The following PDSS2 variants were observed in gnomAD, a reference collection of about 807,000 sequenced individuals.
PDSS2 encodes decaprenyl diphosphate synthase subunit 2, also known as all trans-polyprenyl-diphosphate synthase PDSS2.
Under a neutral mutation model 44.5 loss-of-function variants are expected in PDSS2, and 31 were observed. The observed-to-expected ratio is 0.70, with a 90% CI of 0.52 to 0.94. PDSS2 has a LOEUF of 0.94. PDSS2 is among the 40% of genes least tolerant of loss of function. PDSS2 has a pLI of 0.00. For synonymous variants in PDSS2, 157 were observed against 180.3 expected (o/e 0.87, Z 1.03); for missense variants, 452 against 482.2 (o/e 0.94, Z 0.59).
chr6:107,297,596 G>T (rs2115047244), intron 2 of PDSS2, among the ~76,000 whole-genome samples: 1 of 152,046 alleles, frequency 6.6e-6, no homozygotes, highest in South Asian at 2.1e-4. Context: ...TGGCCAGGCT[G>T]GTCTCGAACT....
intron 3 of PDSS2, among the ~76,000 whole-genome samples, chr6:107,250,180 AC>A (rs56145618): frequency 0.16 from 23,111 of 142,774 alleles, 1,919 homozygotes; most frequent in South Asian, 0.23. Context: ...AAAAATACTG[AC>A]CCCCCCCCGC....
At chr6:107,241,135 A>G (rs1774408799) in intron 4 of PDSS2, among the ~76,000 whole-genome samples, 1 of 151,326 alleles carries the variant, frequency 6.6e-6, no homozygotes, top group Non-Finnish European at 1.5e-5. Flanking sequence ...TGTAGTCCCA[A>G]CTACTTGCAA....
At chr6:107,197,388 T>A (rs771009673) in intron 6 of PDSS2, among the ~76,000 whole-genome samples, 2 of 149,270 alleles carry the variant, frequency 1.3e-5, no homozygotes, top group Non-Finnish European at 3.0e-5. Context: ...GAAGATAGCT[T>A]ACGGTCAGGA....
intron 1 of PDSS2, among the ~76,000 whole-genome samples, chr6:107,429,901 A>AATATATATATATAT (rs869061691): frequency 2.8e-4 from 9 of 31,806 alleles, no homozygotes; most frequent in East Asian, 4.2e-3. Context: ...AAAAAAAAAA[A>AATATATATATATAT]ATATATATAT....
At chr6:107,225,164 T>TATATATATATATATA (rs1289535741) in intron 4 of PDSS2, among the ~76,000 whole-genome samples, 1 of 42,976 alleles carries the variant, frequency 2.3e-5, no homozygotes, top group African/African-American at 1.3e-4. Context: ...TATATATATT[T>TATATATATATATATA]TTTTTTTTTT....
At chr6:107,421,208 T>C (rs569271277) in intron 1 of PDSS2, among the ~76,000 whole-genome samples, 1 of 152,296 alleles carries the variant, frequency 6.6e-6, no homozygotes, top group African/African-American at 2.4e-5. Context: ...ACAAAGGATA[T>C]GGAGAAACTA....
chr6:107,313,647 C>T (rs184353745), intron 2 of PDSS2, among the ~76,000 whole-genome samples: 1 of 152,180 alleles, frequency 6.6e-6, no homozygotes, highest in East Asian at 1.9e-4. Context: ...AGCCACCACG[C>T]CCGGCCCTAC....
intron 1 of PDSS2, among the ~76,000 whole-genome samples, chr6:107,424,136 G>C (rs1780916995): frequency 6.8e-6 from 1 of 146,822 alleles, no homozygotes; most frequent in Non-Finnish European, 1.5e-5. Context: ...TGACCTCCTG[G>C]GCCCAAGTGA....
intron 2 of PDSS2, among the ~76,000 whole-genome samples, chr6:107,303,124 TGTGCTGTGTCATTC>T (rs1479334857): frequency 6.6e-6 from 1 of 152,164 alleles, no homozygotes. Context: ...TGAGGACCTT[TGTGCTGTGTCATTC>T]CATCGCAGAA....
intron 1 of PDSS2, among the ~76,000 whole-genome samples, chr6:107,439,655 G>A (rs889117222): frequency 6.6e-6 from 1 of 152,196 alleles, no homozygotes; most frequent in Non-Finnish European, 1.5e-5. Flanking sequence ...CAGCTGAGAG[G>A]AGAAAGCCTC....
chr6:107,190,627 CAG>C (rs1203597126), intron 7 of PDSS2, among the ~76,000 whole-genome samples: 1 of 152,286 alleles, frequency 6.6e-6, no homozygotes, highest in Non-Finnish European at 1.5e-5. Flanking sequence ...TGGGAAACCA[CAG>C]AGGATTTGCT....
At chr6:107,455,605 T>C (rs1782011933) in intron 1 of PDSS2, among the ~76,000 whole-genome samples, 1 of 151,588 alleles carries the variant, frequency 6.6e-6, no homozygotes, top group Non-Finnish European at 1.5e-5. Context: ...AATACAAAAA[T>C]TAGCTGGGCG....
At chr6:107,410,046 A>G (rs1406270311) in intron 1 of PDSS2, among the ~76,000 whole-genome samples, 2 of 152,118 alleles carry the variant, frequency 1.3e-5, no homozygotes, top group African/African-American at 4.8e-5. Context: ...AGTTAGAGAC[A>G]AAAAAAGCAA....
At chr6:107,426,690 C>A (rs2114729069) in intron 1 of PDSS2, among the ~76,000 whole-genome samples, 1 of 152,332 alleles carries the variant, frequency 6.6e-6, no homozygotes, top group East Asian at 1.9e-4. Context: ...GGAGCCCACC[C>A]TTTGCATCAG....
chr6:107,246,099 T>C (rs1774604615), intron 3 of PDSS2, among the ~76,000 whole-genome samples: 1 of 152,194 alleles, frequency 6.6e-6, no homozygotes, highest in South Asian at 2.1e-4. Flanking sequence ...TAAAATGCAC[T>C]GTGGATATAT....
intron 2 of PDSS2, among the ~76,000 whole-genome samples, chr6:107,326,245 A>C (rs1480112333): frequency 6.6e-6 from 1 of 151,806 alleles, no homozygotes; most frequent in East Asian, 2.0e-4. Flanking sequence ...TGGGACTTAC[A>C]GGCAGGTACC....
At chr6:107,222,201 AG>A (rs1418336506) in intron 4 of PDSS2, among the ~76,000 whole-genome samples, 1 of 152,220 alleles carries the variant, frequency 6.6e-6, no homozygotes, top group Non-Finnish European at 1.5e-5. Flanking sequence ...AAAAAGGTCA[AG>A]TATAGAAAAA....
At chr6:107,232,902 C>A (rs143344283) in intron 4 of PDSS2, among the ~76,000 whole-genome samples, 4 of 151,548 alleles carry the variant, frequency 2.6e-5, no homozygotes, top group African/African-American at 9.7e-5. Context: ...TGCAGTGGCG[C>A]GATCTCTATT....
At chr6:107,421,442 T>A (rs1780820346) in intron 1 of PDSS2, among the ~76,000 whole-genome samples, 1 of 152,108 alleles carries the variant, frequency 6.6e-6, no homozygotes, top group African/African-American at 2.4e-5. Flanking sequence ...AACCCAAATG[T>A]TTATGGTAAA....
Sources: gnomAD v4.1 joint callset for allele counts (sites outside exome capture counted in the v4.1 genomes callset) on GRCh38, gnomAD v4.1.1 for gene constraint, MANE v1.5 for transcripts, NCBI Gene and HGNC (gene_info 2026-07-23, HGNC 2026-07-21) for gene names.